NCKAP5: variants seen among roughly 807,000 people sequenced by gnomAD.
NCKAP5 encodes NCK associated protein 5.
NCKAP5 carries 92 observed loss-of-function variants against 167.0 expected under a neutral mutation model. The ratio of observed to expected loss-of-function variants is 0.55; its 90% CI spans 0.47 to 0.66. The LOEUF is 0.66. Ranked by LOEUF, NCKAP5 falls within the 30% of genes least tolerant of loss-of-function variation. The pLI, the probability that NCKAP5 is intolerant of heterozygous loss-of-function variation, is 0.00. For missense variants in NCKAP5, 2,378 were observed against 2,315.0 expected (o/e 1.03, Z -0.56); for synonymous variants, 891 against 877.4 (o/e 1.02, Z -0.27).
At chr2:132,917,554 A>G (rs939004722) in intron 8 of NCKAP5, among the ~76,000 whole-genome samples, 5 of 152,192 alleles carry the variant, frequency 3.3e-5, no homozygotes, top group Admixed American at 2.6e-4. Flanking sequence ...ATAGTTGATT[A>G]TTATGATTAG....
At chr2:132,817,001 A>T (rs562670521) in intron 11 of NCKAP5, among the ~76,000 whole-genome samples, 10 of 152,190 alleles carry the variant, frequency 6.6e-5, no homozygotes, top group Admixed American at 2.6e-4. Context: ...TATAATTACA[A>T]CTGTTATTAT....
intron 4 of NCKAP5, among the ~76,000 whole-genome samples, chr2:133,283,854 G>T (rs978683125): frequency 4.6e-5 from 7 of 151,908 alleles, no homozygotes; most frequent in African/African-American, 1.7e-4. Flanking sequence ...CAGGTGATCC[G>T]CCCGCCTCGG....
chr2:132,969,950 G>A (rs1462221826), intron 7 of NCKAP5, among the ~76,000 whole-genome samples: 1 of 152,198 alleles, frequency 6.6e-6, no homozygotes, highest in East Asian at 1.9e-4. Flanking sequence ...ACCAGTGAGA[G>A]CATTAGAATA....
At chr2:133,101,749 G>A (rs1390437531) in intron 6 of NCKAP5, among the ~76,000 whole-genome samples, 3 of 152,216 alleles carry the variant, frequency 2.0e-5, no homozygotes, top group Non-Finnish European at 4.4e-5. Flanking sequence ...TGATATCAAA[G>A]TAAGTTTCTG....
intron 2 of NCKAP5, among the ~76,000 whole-genome samples, chr2:133,544,549 T>C (rs1686498576): frequency 6.6e-6 from 1 of 152,230 alleles, no homozygotes; most frequent in African/African-American, 2.4e-5. Context: ...TCTTTAATGA[T>C]GACTCGGGCT....
rs1231242035 is a variant in NCKAP5 at position 133,526,234 on chromosome 2, AAGGAG to A, written c.-61-8652_-61-8648del. ...AAGGAAGGAAGGAAGGAAGAAAGGA[AAGGAG>A]GGAGGGAAGGAGGGAGGGAGGGAAG... On this transcript the variant is annotated intron_variant, in intron 2 of 19. Transcript: ENST00000409261. Among the ~76,000 whole-genome samples, 58 of 96,882 alleles carry A rather than the reference AAGGAG, an allele frequency of 6.0e-4. 1 individual carries two copies. The highest frequency in any genetic ancestry group is 1.5e-3 in the East Asian group (4 of 2,612). The allele number at this position is 96,882 out of a possible 152,430, so 63.6% of individuals were successfully genotyped here. A position where few individuals can be genotyped will look rare whatever the true frequency, so the allele number is the denominator to read the frequency against.
At chr2:133,043,233 A>C (rs1319752960) in intron 6 of NCKAP5, among the ~76,000 whole-genome samples, 1 of 152,222 alleles carries the variant, frequency 6.6e-6, no homozygotes, top group Non-Finnish European at 1.5e-5. Flanking sequence ...GAGTTTAAAA[A>C]TACCCAAGTT....
At chr2:132,746,423 C>T (rs1294373191) in intron 16 of NCKAP5, among the ~76,000 whole-genome samples, 1 of 151,932 alleles carries the variant, frequency 6.6e-6, no homozygotes, top group African/African-American at 2.4e-5. Flanking sequence ...AGATCTAATA[C>T]CACAAAACAT....
intron 6 of NCKAP5, among the ~76,000 whole-genome samples, chr2:133,116,240 C>A: frequency 1.2e-5 from 1 of 86,134 alleles, no homozygotes; most frequent in African/African-American, 6.4e-5. Flanking sequence ...GTAATCCCAG[C>A]ACTTTGGGAG....
At chr2:132,862,365 C>A (rs539185641) in intron 10 of NCKAP5, among the ~76,000 whole-genome samples, 1 of 152,148 alleles carries the variant, frequency 6.6e-6, no homozygotes, top group African/African-American at 2.4e-5. Flanking sequence ...ATGGGTAAAG[C>A]TTATGTATAG....
intron 4 of NCKAP5, among the ~76,000 whole-genome samples, chr2:133,264,242 A>T (rs2089065590): frequency 6.6e-6 from 1 of 152,178 alleles, no homozygotes; most frequent in African/African-American, 2.4e-5. Flanking sequence ...TGTTAGGATG[A>T]TTTGCAATAT....
intron 3 of NCKAP5, among the ~76,000 whole-genome samples, chr2:133,425,683 T>C (rs1026928462): frequency 2.6e-5 from 4 of 152,200 alleles, no homozygotes; most frequent in Non-Finnish European, 4.4e-5. Flanking sequence ...AGATGCATAT[T>C]ATTGTGGGAA....
At chr2:132,679,972 CTAGT>C (rs1293696401) in intron 19 of NCKAP5, among the ~76,000 whole-genome samples, 4 of 152,268 alleles carry the variant, frequency 2.6e-5, no homozygotes, top group South Asian at 2.1e-4. Context: ...CTCAGAGGCA[CTAGT>C]TAATCACTTC....
At chr2:133,213,838 A>G in intron 4 of NCKAP5, 59 bp from the exon 5 acceptor site, 4 of 1,541,754 alleles carry the variant, frequency 2.6e-6, no homozygotes, top group Non-Finnish European at 3.6e-6. Flanking sequence ...TGACACTGGC[A>G]TGGCCGTGAA....
intron 3 of NCKAP5, among the ~76,000 whole-genome samples, chr2:133,360,068 G>T (rs1261188444): frequency 6.6e-6 from 1 of 152,136 alleles, no homozygotes; most frequent in Non-Finnish European, 1.5e-5. Flanking sequence ...CCCACCACCA[G>T]CCTAGGATGA....
chr2:133,134,645 T>C (rs1480196550), intron 5 of NCKAP5, among the ~76,000 whole-genome samples: 1 of 152,224 alleles, frequency 6.6e-6, no homozygotes, highest in African/African-American at 2.4e-5. Flanking sequence ...AGACAGGTAT[T>C]TCCTCCATGG....
At chr2:133,613,933 T>C in the NCKAP5 span, among the ~76,000 whole-genome samples, 1 of 152,184 alleles carries the variant, frequency 6.6e-6, no homozygotes, top group Non-Finnish European at 1.5e-5. Context: ...ATATGAGTCG[T>C]TGGAGAGAGC....
intron 6 of NCKAP5, among the ~76,000 whole-genome samples, chr2:133,053,980 G>T (rs995303229): frequency 2.7e-4 from 41 of 152,268 alleles, no homozygotes; most frequent in African/African-American, 8.4e-4. Context: ...AGTACTGTAT[G>T]CAGGGTAAAT....
intron 3 of NCKAP5, among the ~76,000 whole-genome samples, chr2:133,463,019 A>G (rs1337496090): frequency 2.0e-5 from 3 of 152,202 alleles, no homozygotes; most frequent in Admixed American, 2.0e-4. Flanking sequence ...TGGAGCGATT[A>G]GTCGCTAATA....
Sources: allele counts gnomAD v4.1 joint callset (sites outside exome capture counted in the v4.1 genomes callset), GRCh38; gene constraint gnomAD v4.1.1; transcripts MANE v1.5; gene names NCBI Gene and HGNC (gene_info 2026-07-23, HGNC 2026-07-21).